Variants in POLR2B observed in about 807,000 individuals in gnomAD.
The protein encoded by POLR2B is DNA-directed RNA polymerase II subunit RPB2.
Under a neutral mutation model 144.6 loss-of-function variants are expected in POLR2B, and 57 were observed. The ratio of observed to expected loss-of-function variants is 0.39; its 90% CI spans 0.32 to 0.49. POLR2B has a LOEUF of 0.49. POLR2B is among the 20% of genes least tolerant of loss of function. The probability of loss-of-function intolerance (pLI) is 0.83; values close to 1 mark genes in which losing one functional copy is unlikely to be tolerated. For synonymous variants in POLR2B, 442 were observed against 469.8 expected (o/e 0.94, Z 0.77); for missense variants, 595 against 1,467.4 (o/e 0.41, Z 9.71).
At chr4:57,000,652 G>A (rs949169085) in intron 7 of POLR2B, among the ~76,000 whole-genome samples, 3 of 151,906 alleles carry the variant, frequency 2.0e-5, no homozygotes, top group Non-Finnish European at 1.5e-5. Flanking sequence ...TTAAATAATC[G>A]TAGTATAATC....
intron 24 of POLR2B, 33 bp from the exon 25 acceptor site, chr4:57,030,866 T>C (rs759853133): frequency 7.8e-7 from 1 of 1,283,770 alleles, no homozygotes; most frequent in Non-Finnish European, 1.1e-6. Flanking sequence ...TTCAATACAA[T>C]TCTGCTAATT....
In POLR2B at chr4:57,006,916, A is replaced by G. The variant is rs1297565959; in HGVS notation, c.1318A>G (p.Ile440Val). ...GGAGTTGGCAATTAAAACACGGATC[A>G]TATCTGATGGCCTAAAATACTCTTT... is the stretch of plus-strand genomic sequence containing the variant. ...NLELAIKTRI[I>V]SDGLKYSLAT... The change falls in exon 10 of 25, where the codon ATA (isoleucine) becomes GTA (valine). Residue 440 changes from isoleucine to valine, a missense_variant. Physicochemically the swap from Ile to Val is conservative, Grantham distance 29. Coordinates refer to ENST00000314595, the MANE Select transcript of POLR2B (RefSeq NM_000938.3). 1.2e-6 allele frequency: 2 copies of G among 1,613,324 alleles called. No individual in the cohort carries two copies. Among genetic ancestry groups the G allele is most frequent in the Non-Finnish European group, 1.7e-6 (2 of 1,179,262 alleles).
intron 1 of POLR2B, among the ~76,000 whole-genome samples, chr4:56,979,600 A>G (rs905272359): frequency 5.3e-5 from 8 of 152,198 alleles, no homozygotes; most frequent in Admixed American, 4.6e-4. Flanking sequence ...GGGCCAATGT[A>G]TAATACCTGT....
chr4:57,022,219 G>C lies in POLR2B; in HGVS notation c.2488G>C (p.Glu830Gln). 3.7e-6 allele frequency: 6 copies of C among 1,610,536 alleles called. No homozygotes were observed. The highest frequency in any genetic ancestry group is 5.1e-6 in the Non-Finnish European group (6 of 1,176,872). ...KKGFDQEEVF[E>Q]KPTRETCQGM... ...AGGATTTGATCAAGAAGAAGTTTTT[G>C]AGAAGCCTACACGTGAAACATGCCA... Residue 830 changes from glutamate (E) to glutamine (Q), a missense_variant, in exon 18 of 25, where the codon GAG (glutamate) becomes CAG (glutamine). Physicochemically the swap from Glu to Gln is conservative, Grantham distance 29 (BLOSUM62 2). Transcript: ENST00000314595.
At chr4:56,994,930 G>C in intron 5 of POLR2B, 64 bp downstream of exon 5, 3 of 728,352 alleles carry the variant, frequency 4.1e-6, no homozygotes, top group Non-Finnish European at 6.3e-6. Flanking sequence ...AAGTTGAAAT[G>C]AAAAAAAAAA....
At chr4:56,997,393 A>G (rs998634083) in intron 6 of POLR2B, among the ~76,000 whole-genome samples, 6 of 151,868 alleles carry the variant, frequency 4.0e-5, no homozygotes, top group African/African-American at 1.5e-4. Context: ...AAGTAGTTAG[A>G]TTATAGGCAT....
chr4:57,019,520 A>T (rs972922390), intron 16 of POLR2B, among the ~76,000 whole-genome samples: 4 of 152,008 alleles, frequency 2.6e-5, no homozygotes, highest in Non-Finnish European at 4.4e-5. Flanking sequence ...TACCATTTTT[A>T]AAAAAACTTT....
intron 22 of POLR2B, 24 bp from the exon 23 acceptor site, chr4:57,025,353 C>G: frequency 1.9e-6 from 3 of 1,591,830 alleles, no homozygotes; most frequent in Non-Finnish European, 2.6e-6. Flanking sequence ...TAGGTCTACA[C>G]TTCAAAATCT....
chr4:56,979,552 A>G lies in POLR2B; in HGVS notation c.19+548A>G, dbSNP rs558939132. On this transcript the variant is annotated intron_variant, in intron 1 of 24. Transcript: ENST00000314595. ...TGACTTTTAACTTCCTCTTCTCACA[A>G]TGTCACAGTTCTCAGATGATATGTA... Among the ~76,000 whole-genome samples, 23 of 152,248 alleles carry G rather than the reference A, an allele frequency of 1.5e-4. No homozygotes were observed. In the East Asian group the frequency reaches 3.1e-3, roughly 21 times the overall value.
chr4:57,026,999 AAG>A (rs971415454), intron 23 of POLR2B, among the ~76,000 whole-genome samples: 8 of 151,976 alleles, frequency 5.3e-5, no homozygotes, highest in African/African-American at 1.9e-4. Flanking sequence ...AGTGGTTGGA[AAG>A]AGAGGAATAT....
At chr4:57,005,219 A>G (rs771543075) in intron 7 of POLR2B, 27 bp from the exon 8 acceptor site, 28 of 1,389,686 alleles carry the variant, frequency 2.0e-5, no homozygotes, top group Admixed American at 1.2e-4. Context: ...GAATTTGAAA[A>G]TAACTTTTAT....
intron 1 of POLR2B, among the ~76,000 whole-genome samples, chr4:56,984,270 C>G (rs1416145116): frequency 6.6e-6 from 1 of 152,000 alleles, no homozygotes; most frequent in Admixed American, 6.6e-5. Flanking sequence ...CTTCAGCCTT[C>G]CTTGTCTGTG....
intron 10 of POLR2B, 39 bp downstream of exon 10, chr4:57,007,041 C>T (rs747904553): frequency 7.4e-7 from 1 of 1,344,984 alleles, no homozygotes; most frequent in South Asian, 1.2e-5. Context: ...CAATAGGAAA[C>T]ATGTTTATAG....
Position 56,994,892 on chromosome 4 carries a change from T to C in POLR2B, c.576+26T>C, listed in dbSNP as rs113145499. ...GTATAGTAACATTATTTTAAAAAATTACAAAATGGTAGTTAAAATTTAGTT... is the reference window on the plus strand; with the variant it reads ...GTATAGTAACATTATTTTAAAAAATCACAAAATGGTAGTTAAAATTTAGTT... On this transcript the variant is annotated intron_variant, in intron 5 of 24. Transcript: ENST00000314595. 5,044 of 1,196,702 alleles carry C rather than the reference T, an allele frequency of 4.2e-3. 153 individuals carry two copies. The African/African-American group carries it at 0.074, about 18-fold the overall frequency. 74.1% of individuals were successfully genotyped at this position (1,196,702 alleles called of 1,614,324 possible).
intron 5 of POLR2B, 58 bp downstream of exon 5, chr4:56,994,924 T>C: frequency 1.0e-6 from 1 of 988,638 alleles, no homozygotes. Flanking sequence ...AGTTTAAAGT[T>C]GAAATGAAAA....
In POLR2B at chr4:56,995,300, C is replaced by T. The variant is rs1268347636; in HGVS notation, c.626C>T (p.Ala209Val). 6.2e-7 allele frequency: 1 copy of T among 1,611,620 alleles called. No homozygotes were observed. The highest frequency in any genetic ancestry group is 2.2e-5 in the East Asian group (1 of 44,844). ...KMATNTVYVF[A>V]KKDSKYAYTG... ...GCAACAAACACAGTTTATGTGTTTG[C>T]CAAAAAGGATTCTAAATATGCCTAC... The change falls in exon 6 of 25, where the codon GCC becomes GTC. Residue 209 changes from alanine (A) to valine (V), a missense_variant. Around this residue, in one of 9 missense-constraint regions of POLR2B, gnomAD observed 251 missense variants for 567.3 expected, o/e 0.44. Transcript: ENST00000314595.
chr4:56,985,477 T>G, intron 1 of POLR2B: 2 of 984,782 alleles, frequency 2.0e-6, no homozygotes, highest in Non-Finnish European at 2.4e-6. Context: ...AGGCGGGCCC[T>G]GCAACCTCTG....
At position 57,017,122 on chromosome 4, in the gene POLR2B, C is replaced by G. The variant is rs762230162; in HGVS notation, c.2035C>G (p.Pro679Ala). The G allele has an allele frequency of 4.5e-5, 73 of 1,612,386 alleles. No individual in the cohort carries two copies. The highest frequency in any genetic ancestry group is 5.9e-5 in the Non-Finnish European group (70 of 1,179,000). The change falls in exon 15 of 25, where the codon CCA becomes GCA. Residue 679 changes from proline to alanine, a missense_variant. Transcript: ENST00000314595. This position sits in a 1 kb window ranked among gnomAD's most constrained non-coding sequence, Gnocchi z 4.8. ...EEETVMLAMT[P>A]DDLQEKEVAY... Reference sequence around the variant, plus strand: ...AGAAACAGTGATGCTTGCAATGACTCCAGATGATTTACAGGAGAAAGAAGT... The same window carrying G: ...AGAAACAGTGATGCTTGCAATGACTGCAGATGATTTACAGGAGAAAGAAGT...
At chr4:57,010,578 T>C (rs1359387639) in intron 11 of POLR2B, 74 bp downstream of exon 11, 8 of 1,469,484 alleles carry the variant, frequency 5.4e-6, no homozygotes, top group African/African-American at 1.4e-5. Flanking sequence ...CTTTTAGAAA[T>C]AGATGTTTGA....
Sources: allele counts gnomAD v4.1 joint callset (sites outside exome capture counted in the v4.1 genomes callset), GRCh38; gene constraint gnomAD v4.1.1; regional missense constraint gnomAD v4.1.1; non-coding constraint Gnocchi (gnomAD v3.1); transcripts MANE v1.5; gene names NCBI Gene and HGNC (gene_info 2026-07-23, HGNC 2026-07-21).